The following WWOX variants were observed in gnomAD, a reference collection of about 807,000 sequenced individuals.
WWOX encodes the protein WW domain containing oxidoreductase.
WWOX carries 69 observed loss-of-function variants against 46.2 expected under a neutral mutation model. That is an observed-to-expected ratio of 1.49 (90% CI 1.23 to 1.82). The LOEUF (loss-of-function observed/expected upper bound fraction) is 1.82, where lower values mean the gene tolerates loss of function less well. Among genes scored for constraint, WWOX ranks in the 40% most tolerant of loss-of-function variants. The pLI is 0.00. For missense variants in WWOX, 919 were observed against 542.6 expected, an observed-to-expected ratio of 1.69 and a Z score of -6.89; for synonymous variants, 359 against 202.6, an observed-to-expected ratio of 1.77 and a Z score of -6.56.
chr16:78,991,702 G>A (rs750709512), intron 8 of WWOX, among the ~76,000 whole-genome samples: 17 of 150,620 alleles, frequency 1.1e-4, no homozygotes, highest in Admixed American at 4.6e-4. Context: ...CCTATACAAC[G>A]CAAGCCATAA....
intron 8 of WWOX, among the ~76,000 whole-genome samples, chr16:78,607,334 G>A (rs1349693021): frequency 2.0e-5 from 3 of 152,106 alleles, no homozygotes; most frequent in African/African-American, 4.8e-5. Flanking sequence ...AATGAAATAC[G>A]CTTACATCAT....
intron 8 of WWOX, chr16:78,825,511 G>T (rs9938455): frequency 1.4e-5 from 7 of 496,394 alleles, no homozygotes; most frequent in South Asian, 9.1e-5. Context: ...AAGAGATTTG[G>T]CTTCCCACAG....
intron 8 of WWOX, among the ~76,000 whole-genome samples, chr16:79,149,183 C>T (rs988756818): frequency 1.3e-5 from 2 of 152,092 alleles, no homozygotes; most frequent in African/African-American, 4.8e-5. Flanking sequence ...TGTAGATGTT[C>T]TTTATCAAGT....
At chr16:78,642,242 C>G (rs1333897272) in intron 8 of WWOX, among the ~76,000 whole-genome samples, 1 of 152,132 alleles carries the variant, frequency 6.6e-6, no homozygotes, top group East Asian at 1.9e-4. Flanking sequence ...AAGGTGTTGA[C>G]TTACTGCAAG....
chr16:79,097,203 T>C (rs913978100), intron 8 of WWOX, among the ~76,000 whole-genome samples: 2 of 152,140 alleles, frequency 1.3e-5, no homozygotes, highest in African/African-American at 2.4e-5. Flanking sequence ...TTCTCTTTTA[T>C]AAAGAGCCTG....
chr16:79,088,896 T>C (rs2048901654), intron 8 of WWOX, among the ~76,000 whole-genome samples: 1 of 152,216 alleles, frequency 6.6e-6, no homozygotes, highest in Non-Finnish European at 1.5e-5. Context: ...TCACCTCTTT[T>C]CCAAAGGATA....
chr16:78,692,829 T>C (rs9939287), intron 8 of WWOX, among the ~76,000 whole-genome samples: 2,093 of 152,342 alleles, frequency 0.014, 42 homozygotes, highest in African/African-American at 0.047. Context: ...AAGGCATATT[T>C]TCTTAAAGAG....
chr16:78,325,649 G>A (rs2151887441), intron 5 of WWOX, among the ~76,000 whole-genome samples: 1 of 152,324 alleles, frequency 6.6e-6, no homozygotes, highest in South Asian at 2.1e-4. Flanking sequence ...TCTCCGTTTG[G>A]CAGCTTGATT....
intron 6 of WWOX, among the ~76,000 whole-genome samples, chr16:78,409,350 C>T (rs1214084135): frequency 2.6e-5 from 4 of 152,178 alleles, no homozygotes; most frequent in Non-Finnish European, 5.9e-5. Flanking sequence ...CAAATGTCCT[C>T]TGTGCCTTAC....
intron 8 of WWOX, among the ~76,000 whole-genome samples, chr16:79,034,519 C>A (rs936074629): frequency 1.3e-5 from 2 of 152,144 alleles, no homozygotes; most frequent in African/African-American, 4.8e-5. Flanking sequence ...GTATTTTGCC[C>A]CCTCACCGAA....
intron 8 of WWOX, among the ~76,000 whole-genome samples, chr16:79,011,135 C>A (rs12925093): frequency 6.8e-6 from 1 of 146,212 alleles, no homozygotes; most frequent in African/African-American, 2.5e-5. Context: ...ACTCACACAT[C>A]CACACACACA....
intron 8 of WWOX, among the ~76,000 whole-genome samples, chr16:79,184,591 A>G (rs2050976891): frequency 6.6e-6 from 1 of 152,230 alleles, no homozygotes; most frequent in South Asian, 2.1e-4. Context: ...TCCAAGCTCC[A>G]GCCCTGTAGT....
chr16:78,109,164 C>G (rs1178066620), intron 2 of WWOX, among the ~76,000 whole-genome samples: 4 of 152,056 alleles, frequency 2.6e-5, no homozygotes, highest in Non-Finnish European at 5.9e-5. Context: ...CTAGGTGATT[C>G]TGAGATAATG....
At chr16:78,131,888 T>A (rs74369461) in intron 4 of WWOX, among the ~76,000 whole-genome samples, 4 of 145,238 alleles carry the variant, frequency 2.8e-5, no homozygotes, top group Non-Finnish European at 6.1e-5. Flanking sequence ...CTGGCAAGGA[T>A]TTTTTTTTTT....
chr16:78,259,592 A>C (rs2038225263), intron 5 of WWOX, among the ~76,000 whole-genome samples: 1 of 151,704 alleles, frequency 6.6e-6, no homozygotes, highest in Admixed American at 6.6e-5. Flanking sequence ...TGCTGGGATT[A>C]CAGGCATGAG....
At chr16:78,938,114 T>G (rs1567662247) in intron 8 of WWOX, among the ~76,000 whole-genome samples, 2 of 152,192 alleles carry the variant, frequency 1.3e-5, no homozygotes, top group East Asian at 3.9e-4. Context: ...GATTTTATTT[T>G]TCATCTCCTC....
At chr16:78,540,294 C>T (rs2043860911) in intron 8 of WWOX, among the ~76,000 whole-genome samples, 1 of 151,400 alleles carries the variant, frequency 6.6e-6, no homozygotes, top group Non-Finnish European at 1.5e-5. Flanking sequence ...GTTAATTGTG[C>T]AGGGTTATCA....
At chr16:78,536,214 C>T (rs2043755814) in intron 8 of WWOX, among the ~76,000 whole-genome samples, 1 of 152,104 alleles carries the variant, frequency 6.6e-6, no homozygotes, top group African/African-American at 2.4e-5. Flanking sequence ...TGCCATTCTC[C>T]TCCCTTTTGC....
intron 5 of WWOX, among the ~76,000 whole-genome samples, chr16:78,329,675 C>G (rs1315174408): frequency 6.6e-6 from 1 of 152,004 alleles, no homozygotes; most frequent in African/African-American, 2.4e-5. Context: ...CTCTGTTATT[C>G]TTGCCAATGT....
Sources: gnomAD v4.1 joint callset for allele counts (sites outside exome capture counted in the v4.1 genomes callset) on GRCh38, gnomAD v4.1.1 for gene constraint, MANE v1.5 for transcripts, NCBI Gene and HGNC (gene_info 2026-07-23, HGNC 2026-07-21) for gene names.